The following PBX3 variants were observed in gnomAD, a reference collection of about 807,000 sequenced individuals.
PBX3 encodes the protein PBX homeobox 3.
A neutral mutation model predicts 48.5 loss-of-function variants in PBX3; 14 were observed. That is an observed-to-expected ratio of 0.29 (90% CI 0.19 to 0.45). PBX3 has a LOEUF of 0.45. Ranked by LOEUF, PBX3 falls within the 20% of genes least tolerant of loss-of-function variation. The pLI, the probability that PBX3 is intolerant of heterozygous loss-of-function variation, is 1.00. For missense variants in PBX3, 386 were observed against 546.7 expected (o/e 0.71, Z 2.93); for synonymous variants, 210 against 200.3 (o/e 1.05, Z -0.41).
chr9:125,839,540 C>T (rs1418398928), intron 2 of PBX3, among the ~76,000 whole-genome samples: 2 of 152,146 alleles, frequency 1.3e-5, no homozygotes, highest in Non-Finnish European at 2.9e-5. Context: ...ACTGATGTAA[C>T]TTCTTCACAA....
At chr9:125,952,238 T>C (rs1331272351) in intron 5 of PBX3, among the ~76,000 whole-genome samples, 1 of 152,202 alleles carries the variant, frequency 6.6e-6, no homozygotes, top group East Asian at 1.9e-4. Flanking sequence ...AAATTTTCAG[T>C]TTGTTAATTT....
chr9:125,803,571 A>T (rs189228541), intron 2 of PBX3, among the ~76,000 whole-genome samples: 1 of 152,284 alleles, frequency 6.6e-6, no homozygotes, highest in African/African-American at 2.4e-5. Flanking sequence ...TTTTTAGAAT[A>T]TGCTTTCAAT....
rs60326557 is a variant in PBX3 at position 125,943,352 on chromosome 9, C to CAAAAAA, written c.843+7787_843+7792dup. ...CTTGGGCTGCAGAGTGAGACTGTCT[C>CAAAAAA]AAAAAAAAAAAAAAAAAAAAAAAAA... On this transcript the variant is annotated intron_variant, in intron 5 of 8. Transcript: ENST00000373489. 3.8e-4 allele frequency among the ~76,000 whole-genome samples: 23 copies of CAAAAAA among 60,880 alleles called. 2 individuals are homozygous for CAAAAAA. The highest frequency in any genetic ancestry group is 6.4e-4 in the Non-Finnish European group (20 of 31,362). The allele number at this position is 60,880 out of a possible 152,430, so 39.9% of individuals were successfully genotyped here. A position where few individuals can be genotyped will look rare whatever the true frequency, so the allele number is the denominator to read the frequency against.
In PBX3 at chr9:125,759,735, A is replaced by C. The variant is rs1408551951; in HGVS notation, c.274+11112A>C. On this transcript the variant is annotated intron_variant, in intron 2 of 8. Transcript: ENST00000373489. The surrounding 1 kb of genome is among the most constrained non-coding windows in gnomAD (Gnocchi z 4.2). ...GGCTCATAATTGTTTTTCACACATA[A>C]GTTATGCAAATGAGCTTTTATGGCA... 6.6e-6 allele frequency among the ~76,000 whole-genome samples: 1 copy of C among 152,228 alleles called. No individual in the cohort carries two copies. Among genetic ancestry groups the C allele is most frequent in the Non-Finnish European group, 1.5e-5 (1 of 68,028 alleles).
chr9:125,927,612 T>A (rs1186620624), intron 3 of PBX3, among the ~76,000 whole-genome samples: 1 of 152,210 alleles, frequency 6.6e-6, no homozygotes, highest in Non-Finnish European at 1.5e-5. Context: ...AGATGCAGAA[T>A]TTCCCATCCT....
At chr9:125,823,940 G>T (rs10986956) in intron 2 of PBX3, among the ~76,000 whole-genome samples, 3,050 of 152,090 alleles carry the variant, frequency 0.02, 171 homozygotes, top group East Asian at 0.17. Flanking sequence ...GCCAGGCATG[G>T]TGGCCCGCAC....
At chr9:125,781,417 G>A (rs990395957) in intron 2 of PBX3, among the ~76,000 whole-genome samples, 1 of 151,582 alleles carries the variant, frequency 6.6e-6, no homozygotes, top group Non-Finnish European at 1.5e-5. Context: ...GCACTCGGCC[G>A]GCTGAGGCAG....
chr9:125,907,360 A>C (rs1162853016), intron 2 of PBX3, among the ~76,000 whole-genome samples: 1 of 152,082 alleles, frequency 6.6e-6, no homozygotes. Context: ...ATTGTAGGAC[A>C]GACATGTTTC....
chr9:125,815,096 T>G (rs1838418685), intron 2 of PBX3, among the ~76,000 whole-genome samples: 1 of 152,178 alleles, frequency 6.6e-6, no homozygotes, highest in African/African-American at 2.4e-5. Context: ...ATTATGTCTA[T>G]TTTTTTGAAA....
intron 2 of PBX3, among the ~76,000 whole-genome samples, chr9:125,835,015 C>CAAAAAAAAA (rs745638368): frequency 4.0e-5 from 1 of 25,170 alleles, no homozygotes; most frequent in Non-Finnish European, 7.1e-5. Context: ...AACTCTGTCT[C>CAAAAAAAAA]AAAAAAAAAA....
chr9:125,965,325 G>C (rs1308327261), intron 8 of PBX3, among the ~76,000 whole-genome samples: 13 of 152,258 alleles, frequency 8.5e-5, no homozygotes, highest in Admixed American at 8.5e-4. Flanking sequence ...TTTCATTCTG[G>C]AAGATCCTAT....
intron 2 of PBX3, 62 bp downstream of exon 2, chr9:125,748,685 T>C: frequency 7.9e-7 from 1 of 1,273,384 alleles, no homozygotes; most frequent in Admixed American, 1.8e-5. Flanking sequence ...GAGCTACTCC[T>C]TCGACTCTCC....
chr9:125,914,138 C>T (rs950927954), intron 2 of PBX3, among the ~76,000 whole-genome samples: 1 of 152,076 alleles, frequency 6.6e-6, no homozygotes, highest in African/African-American at 2.4e-5. Flanking sequence ...ACAGCAAATA[C>T]GTTTGCCTAT....
chr9:125,810,462 TC>T (rs1838257333), intron 2 of PBX3, among the ~76,000 whole-genome samples: 1 of 151,970 alleles, frequency 6.6e-6, no homozygotes, highest in African/African-American at 2.4e-5. Flanking sequence ...AAGCTTCTGT[TC>T]CCTATAAGGT....
chr9:125,754,532 T>C (rs1202135538), intron 2 of PBX3, among the ~76,000 whole-genome samples: 1 of 152,154 alleles, frequency 6.6e-6, no homozygotes, highest in South Asian at 2.1e-4. Context: ...TAGCAAATAA[T>C]AAGTAATTCT....
chr9:125,928,200 AAAT>A (rs1841623558), intron 3 of PBX3, among the ~76,000 whole-genome samples: 2 of 152,060 alleles, frequency 1.3e-5, no homozygotes, highest in African/African-American at 4.8e-5. Context: ...CTACAAAAAA[AAAT>A]AATAATAATA....
rs144885113 is a variant in PBX3, at chr9:125,963,072, A to G, written c.1183A>G (p.Asn395Asp). The G allele has an allele frequency of 1.2e-4, 185 of 1,607,202 alleles. No individual in the cohort carries two copies. The highest frequency in any genetic ancestry group is 1.5e-4 in the Non-Finnish European group (177 of 1,174,468). The change falls in exon 8 of 9, where the codon AAT (asparagine) becomes GAT (aspartate). Residue 395 changes from asparagine (N) to aspartate (D), a missense_variant. Physicochemically the swap from Asn to Asp is conservative, Grantham distance 23. This residue lies in a region of PBX3 where 127 missense variants were observed against 143.3 expected (regional missense o/e 0.89). Coordinates refer to ENST00000373489, the MANE Select transcript of PBX3 (RefSeq NM_006195.6). ...AGGCTACAGTGATGGCCTTGGAGGA[A>G]ATTCACTGTACAGTCCACATAATTT... ...TGGYSDGLGG[N>D]SLYSPHNLNA...
intron 2 of PBX3, among the ~76,000 whole-genome samples, chr9:125,853,394 A>G (rs992491819): frequency 3.0e-4 from 45 of 152,138 alleles, no homozygotes; most frequent in African/African-American, 1.0e-3. Context: ...CTTCTCTGAG[A>G]CTTGATTTTC....
At chr9:125,773,394 T>C (rs998476875) in intron 2 of PBX3, among the ~76,000 whole-genome samples, 6 of 152,194 alleles carry the variant, frequency 3.9e-5, no homozygotes, top group African/African-American at 1.4e-4. Context: ...GCTGATAACC[T>C]ACCTAAGTCT....
Sources: gnomAD v4.1 joint callset for allele counts (sites outside exome capture counted in the v4.1 genomes callset) on GRCh38, gnomAD v4.1.1 for gene constraint, gnomAD v4.1.1 regional missense constraint, Gnocchi (gnomAD v3.1) non-coding constraint, MANE v1.5 for transcripts, NCBI Gene and HGNC (gene_info 2026-07-23, HGNC 2026-07-21) for gene names.